TRIM33: variants seen among roughly 807,000 people sequenced by gnomAD.
TRIM33 encodes the protein tripartite motif containing 33.
TRIM33 carries 20 observed loss-of-function variants against 125.4 expected under a neutral mutation model. The ratio of observed to expected loss-of-function variants is 0.16; its 90% CI spans 0.11 to 0.23. The LOEUF (loss-of-function observed/expected upper bound fraction) is 0.23, where lower values mean the gene tolerates loss of function less well. Ranked by LOEUF, TRIM33 falls within the 10% of genes least tolerant of loss-of-function variation. The pLI is 1.00. For missense variants in TRIM33, 920 were observed against 1,411.4 expected, an observed-to-expected ratio of 0.65 and a Z score of 5.58; for synonymous variants, 564 against 513.9, an observed-to-expected ratio of 1.10 and a Z score of -1.32.
intron 14 of TRIM33, 138 bp from the exon 15 acceptor site, chr1:114,405,897 T>C (rs762041361): frequency 8.8e-6 from 7 of 795,724 alleles, no homozygotes; most frequent in African/African-American, 1.7e-5. Context: ...AATAGTGCCA[T>C]AAAGAAATGA....
chr1:114,419,505 C>T (rs891050237), intron 11 of TRIM33, among the ~76,000 whole-genome samples: 3 of 152,068 alleles, frequency 2.0e-5, no homozygotes, highest in Non-Finnish European at 2.9e-5. Context: ...CCTGTGAAAG[C>T]GCTTCACAAA....
chr1:114,444,512 C>T (rs1031392656), intron 4 of TRIM33, among the ~76,000 whole-genome samples: 1 of 152,154 alleles, frequency 6.6e-6, no homozygotes, highest in East Asian at 1.9e-4. Context: ...GTAAGCTGTA[C>T]CTTAGGCCTG....
rs992303457 is a variant in TRIM33, at chr1:114,427,351, T to C, written c.1303-57A>G. ...AAATTAAATATCAATTGGGAAATCA[T>C]AAGATAAAGACATTAAGAAAAAAAA... On this transcript the variant is annotated intron_variant, in intron 7 of 19. Coordinates refer to ENST00000358465, the MANE Select transcript of TRIM33 (RefSeq NM_015906.4). 4.3e-6 allele frequency: 4 copies of C among 940,016 alleles called. No individual in the cohort carries two copies. In the African/African-American group the frequency reaches 6.6e-5, roughly 15 times the overall value. 58.2% of individuals were successfully genotyped at this position (940,016 alleles called of 1,614,324 possible).
intron 18 of TRIM33, among the ~76,000 whole-genome samples, 157 bp from the exon 19 acceptor site, chr1:114,398,147 G>T (rs1261618401): frequency 3.3e-5 from 5 of 152,268 alleles, no homozygotes; most frequent in Middle Eastern, 3.4e-3. Context: ...TACAGAACAT[G>T]GAACCATTTT....
intron 1 of TRIM33, among the ~76,000 whole-genome samples, chr1:114,467,754 A>C (rs565249152): frequency 6.6e-6 from 1 of 152,320 alleles, no homozygotes; most frequent in South Asian, 2.1e-4. Flanking sequence ...TACTTTTAAA[A>C]TTACATAATG....
intron 1 of TRIM33, among the ~76,000 whole-genome samples, chr1:114,482,923 T>C (rs906108456): frequency 1.3e-5 from 2 of 152,248 alleles, no homozygotes; most frequent in Non-Finnish European, 2.9e-5. Context: ...GTAAATTACC[T>C]AGTCTCAGGT....
Position 114,424,729 on chromosome 1 carries a change from T to C in TRIM33, c.1722A>G (p.Thr574=), listed in dbSNP as rs920931761. 1 of 1,604,152 alleles carries C rather than the reference T, an allele frequency of 6.2e-7. No homozygotes were observed. Among genetic ancestry groups the C allele is most frequent in the Non-Finnish European group, 8.5e-7 (1 of 1,175,136 alleles). ...CACAGTTCATGTTGCCTCTTTGCAT[T>C]GTTTGCACACTGATCAATCGAGGAG... ...QQPPRLISVQ[T]MQRGNMNCGA... The change falls in exon 10 of 20, where the codon ACA becomes ACG. Residue 574 remains threonine (T), a synonymous_variant. Coordinates refer to ENST00000358465, the MANE Select transcript of TRIM33 (RefSeq NM_015906.4).
chr1:114,467,001 A>C (rs35731306), intron 1 of TRIM33, among the ~76,000 whole-genome samples: 21,788 of 152,220 alleles, frequency 0.14, 1,866 homozygotes, highest in Non-Finnish European at 0.19. Context: ...AAGGTGAAAA[A>C]ATTGAGGTTC....
chr1:114,468,646 C>G, intron 1 of TRIM33: 1 of 426,788 alleles, frequency 2.3e-6, no homozygotes, highest in South Asian at 1.8e-5. Context: ...CAAGAACCAG[C>G]TGAACCAGAG....
intron 1 of TRIM33, among the ~76,000 whole-genome samples, chr1:114,490,517 C>T (rs532215147): frequency 1.3e-5 from 2 of 152,272 alleles, no homozygotes; most frequent in African/African-American, 4.8e-5. Flanking sequence ...CCACACAACC[C>T]AGCAATTGCA....
intron 1 of TRIM33, among the ~76,000 whole-genome samples, chr1:114,496,554 A>G (rs937401822): frequency 2.6e-5 from 4 of 152,266 alleles, no homozygotes; most frequent in Admixed American, 6.5e-5. Flanking sequence ...TGTTTAGGAA[A>G]AAAGTATCAA....
At chr1:114,500,854 A>G (rs978618868) in intron 1 of TRIM33, among the ~76,000 whole-genome samples, 3 of 152,220 alleles carry the variant, frequency 2.0e-5, no homozygotes, top group African/African-American at 7.2e-5. Flanking sequence ...TCAAAAATTA[A>G]TGACTTAAAA....
Position 114,405,630 on chromosome 1 carries a change from T to C in TRIM33, c.2548A>G (p.Lys850Glu), listed in dbSNP as rs1465635176. 6.2e-7 allele frequency: 1 copy of C among 1,614,232 alleles called. No homozygotes were observed. The highest frequency in any genetic ancestry group is 8.5e-7 in the Non-Finnish European group (1 of 1,180,042). ...IEPADMNESC[K>E]QSGLSSLVNG... ...ACAAGGCTGCTGAGCCCTGACTGTTTGCAGCTTTCATTCATATCTGCAGGT... is the reference window on the plus strand; with the variant it reads ...ACAAGGCTGCTGAGCCCTGACTGTTCGCAGCTTTCATTCATATCTGCAGGT... Residue 850 changes from lysine to glutamate, a missense_variant, in exon 15 of 20, where the codon AAA becomes GAA. Physicochemically the swap from Lys to Glu is moderately conservative, Grantham distance 56 (BLOSUM62 1). Coordinates refer to ENST00000358465, the MANE Select transcript of TRIM33 (RefSeq NM_015906.4).
intron 4 of TRIM33, among the ~76,000 whole-genome samples, chr1:114,436,341 G>A (rs1648294543): frequency 7.2e-6 from 1 of 138,128 alleles, no homozygotes; most frequent in Admixed American, 7.7e-5. Flanking sequence ...GGCGAAGATT[G>A]CAGTGAGCCA....
chr1:114,401,492 T>G, intron 16 of TRIM33, 29 bp from the exon 17 acceptor site: 1 of 1,584,030 alleles, frequency 6.3e-7, no homozygotes, highest in South Asian at 1.1e-5. Flanking sequence ...GGAAAGCACA[T>G]GAAATATTTT....
intron 1 of TRIM33, among the ~76,000 whole-genome samples, chr1:114,488,830 C>A (rs985395624): frequency 6.6e-6 from 1 of 152,088 alleles, no homozygotes; most frequent in Non-Finnish European, 1.5e-5. Context: ...AAAAGAACAA[C>A]CCACCCCAGC....
At position 114,465,073 on chromosome 1, in the gene TRIM33, A is replaced by T. The variant is rs1030276462; in HGVS notation, c.527-685T>A. 9.2e-5 allele frequency among the ~76,000 whole-genome samples: 14 copies of T among 152,362 alleles called. No individual in the cohort carries two copies. In the East Asian group the frequency reaches 2.3e-3, roughly 25 times the overall value. ...TGTTTTAAGACACTAAGTTTGTGGT[A>T]ATTTTGTTACAGCAGCAACAGAAAA... On this transcript the variant is annotated intron_variant, in intron 1 of 19. Coordinates refer to ENST00000358465, the MANE Select transcript of TRIM33 (RefSeq NM_015906.4).
At chr1:114,494,192 C>G (rs891422830) in intron 1 of TRIM33, among the ~76,000 whole-genome samples, 9 of 151,706 alleles carry the variant, frequency 5.9e-5, no homozygotes, top group African/African-American at 1.9e-4. Flanking sequence ...GAACTTCAGG[C>G]TCAAGTGATC....
chr1:114,410,631 T>C (rs914574573), intron 11 of TRIM33, among the ~76,000 whole-genome samples: 28 of 152,232 alleles, frequency 1.8e-4, no homozygotes, highest in Non-Finnish European at 3.8e-4. Flanking sequence ...TTTATCAGTA[T>C]TCTTGTCCCC....
Sources: allele counts gnomAD v4.1 joint callset (sites outside exome capture counted in the v4.1 genomes callset), GRCh38; gene constraint gnomAD v4.1.1; transcripts MANE v1.5; gene names NCBI Gene and HGNC (gene_info 2026-07-23, HGNC 2026-07-21).